ADRA1B: variants seen among roughly 807,000 people sequenced by gnomAD.
The protein encoded by ADRA1B is alpha-1B adrenergic receptor.
In ADRA1B, 17 loss-of-function variants were observed where a neutral mutation model predicts 17.9. That is an observed-to-expected ratio of 0.95 (90% CI 0.65 to 1.42). The LOEUF is 1.42. Ranked by LOEUF, ADRA1B falls within the 40% of genes most tolerant of loss-of-function variation. ADRA1B has a pLI of 0.00. For missense variants in ADRA1B, 681 were observed against 722.1 expected, an observed-to-expected ratio of 0.94 and a Z score of 0.65; for synonymous variants, 366 against 327.6, an observed-to-expected ratio of 1.12 and a Z score of -1.27.
rs756220251 is a variant in ADRA1B at position 159,917,111 on chromosome 5, C to T, written c.206C>T (p.Ser69Phe). 8.1e-6 allele frequency: 13 copies of T among 1,614,038 alleles called. No individual in the cohort carries two copies. Among genetic ancestry groups the T allele is most frequent in the South Asian group, 5.5e-5 (5 of 91,078 alleles). ...GTGGGCAACATCCTAGTCATCTTGT[C>T]TGTGGCCTGCAACCGGCACCTGCGG... ...AIVGNILVILSVACNRHLRTP... is the reference protein window; with the variant it reads ...AIVGNILVILFVACNRHLRTP... Residue 69 changes from serine to phenylalanine, a missense_variant, in exon 1 of 2, where the codon TCT (serine) becomes TTT (phenylalanine). Transcript: ENST00000306675.
intron 1 of ADRA1B, among the ~76,000 whole-genome samples, chr5:159,878,593 T>C (rs1561580797): frequency 6.6e-6 from 1 of 152,300 alleles, no homozygotes; most frequent in South Asian, 2.1e-4. Context: ...TTCACCATCT[T>C]TAATCCTTAC....
At chr5:159,936,005 C>T (rs1334015922) in intron 1 of ADRA1B, among the ~76,000 whole-genome samples, 1 of 152,240 alleles carries the variant, frequency 6.6e-6, no homozygotes, top group African/African-American at 2.4e-5. Flanking sequence ...TCTTTTCTCC[C>T]ATCTCTAAAA....
intron 1 of ADRA1B, among the ~76,000 whole-genome samples, chr5:159,931,237 A>T (rs1387848145): frequency 2.0e-5 from 3 of 151,224 alleles, no homozygotes; most frequent in Non-Finnish European, 4.4e-5. Flanking sequence ...ACAAATAAAA[A>T]ATAAAAATTA....
intron 1 of ADRA1B, among the ~76,000 whole-genome samples, chr5:159,884,316 G>T (rs1449771714): frequency 6.6e-6 from 1 of 152,318 alleles, no homozygotes; most frequent in South Asian, 2.1e-4. Context: ...GTGTTGAGAG[G>T]TGGGACTTTT....
the ADRA1B span, among the ~76,000 whole-genome samples, chr5:159,983,986 T>C: frequency 8.5e-5 from 13 of 152,112 alleles, no homozygotes; most frequent in Admixed American, 8.5e-4. Flanking sequence ...AGGGCCTTGA[T>C]GCTGCCAGAG....
At chr5:159,976,786 G>A (rs1233446298), downstream of ADRA1B, among the ~76,000 whole-genome samples, 3 of 152,136 alleles carry the variant, frequency 2.0e-5, no homozygotes, top group African/African-American at 7.2e-5. Context: ...AATGGGTAAG[G>A]GAAGCATACA....
chr5:159,936,454 T>C (rs1754957675), intron 1 of ADRA1B, among the ~76,000 whole-genome samples: 1 of 152,228 alleles, frequency 6.6e-6, no homozygotes, highest in Non-Finnish European at 1.5e-5. Context: ...AAAAGAATGA[T>C]GGACAGCAAG....
chr5:159,924,561 A>G (rs1358487547), intron 1 of ADRA1B, among the ~76,000 whole-genome samples: 1 of 152,150 alleles, frequency 6.6e-6, no homozygotes, highest in African/African-American at 2.4e-5. Context: ...GCAGAGGGGC[A>G]GGGAGGGGAA....
At chr5:159,987,897 T>C in the ADRA1B span, among the ~76,000 whole-genome samples, 1 of 152,134 alleles carries the variant, frequency 6.6e-6, no homozygotes, top group African/African-American at 2.4e-5. Context: ...TCGTGGACTT[T>C]GTAGTCTTTG....
At chr5:159,969,006 G>A (rs1165184629) in intron 1 of ADRA1B, among the ~76,000 whole-genome samples, 1 of 152,186 alleles carries the variant, frequency 6.6e-6, no homozygotes, top group South Asian at 2.1e-4. Context: ...GGAATACTAG[G>A]TGCTCATACA....
chr5:159,910,729 T>C (rs1006304409), intron 1 of ADRA1B, among the ~76,000 whole-genome samples: 1 of 152,168 alleles, frequency 6.6e-6, no homozygotes, highest in African/African-American at 2.4e-5. Context: ...GATCGATTAA[T>C]TGTAGTTTGC....
the ADRA1B span, among the ~76,000 whole-genome samples, chr5:159,981,681 A>G: frequency 6.6e-6 from 1 of 151,992 alleles, no homozygotes; most frequent in African/African-American, 2.4e-5. Context: ...ATTTTTTAGT[A>G]GAGATGGGGT....
chr5:159,947,624 C>A, intron 1 of ADRA1B: 1 of 830,984 alleles, frequency 1.2e-6, no homozygotes, highest in Non-Finnish European at 1.5e-6. Flanking sequence ...CACTGGCTTT[C>A]AAATTAACGC....
Position 159,917,805 on chromosome 5 carries a change from C to T in ADRA1B, c.900C>T (p.Val300=), listed in dbSNP as rs748079207. 16 of 1,613,012 alleles carry T rather than the reference C, an allele frequency of 9.9e-6. No individual in the cohort carries two copies. The highest frequency in any genetic ancestry group is 3.3e-5 in the South Asian group (3 of 90,982). Reference sequence around the variant, plus strand: ...CAGCTAAGACGTTGGGCATTGTGGTCGGTATGTTCATCTTGTGCTGGCTAC... The same window carrying T: ...CAGCTAAGACGTTGGGCATTGTGGTTGGTATGTTCATCTTGTGCTGGCTAC... The part of the protein sequence containing the change: ...KKAAKTLGIV[V]GMFILCWLPF... The change falls in exon 1 of 2, where the codon GTC becomes GTT. Residue 300 remains valine, a synonymous_variant. Coordinates refer to ENST00000306675, the MANE Select transcript of ADRA1B (RefSeq NM_000679.4).
intron 1 of ADRA1B, among the ~76,000 whole-genome samples, chr5:159,963,000 T>C (rs1363847154): frequency 6.9e-6 from 1 of 145,910 alleles, no homozygotes; most frequent in Non-Finnish European, 1.5e-5. Flanking sequence ...CCTGGACTCG[T>C]GCGATCCTCC....
intron 1 of ADRA1B, among the ~76,000 whole-genome samples, chr5:159,899,324 A>AAGGAAGGAAGGAAGAAAGGAAGG (rs1156262558): frequency 6.6e-6 from 1 of 151,628 alleles, no homozygotes; most frequent in African/African-American, 2.4e-5. Flanking sequence ...GGAAAGAAGG[A>AAGGAAGGAAGGAAGAAAGGAAGG]AAGGCAACTA....
At chr5:159,962,617 C>T (rs957833301) in intron 1 of ADRA1B, among the ~76,000 whole-genome samples, 7 of 150,986 alleles carry the variant, frequency 4.6e-5, no homozygotes, top group Non-Finnish European at 8.8e-5. Flanking sequence ...AAAAAGTTGG[C>T]GGCACATAAC....
At chr5:159,954,102 C>T (rs1468574383) in intron 1 of ADRA1B, among the ~76,000 whole-genome samples, 1 of 152,112 alleles carries the variant, frequency 6.6e-6, no homozygotes, top group East Asian at 1.9e-4. Flanking sequence ...TGGAGAGGAA[C>T]AGAGATGGGA....
chr5:159,915,685 A>T (rs1490409247), upstream of ADRA1B, among the ~76,000 whole-genome samples: 1 of 152,134 alleles, frequency 6.6e-6, no homozygotes, highest in African/African-American at 2.4e-5. Context: ...ATATCACTTC[A>T]GTGACATCCC....
Sources: gnomAD v4.1 joint callset for allele counts (sites outside exome capture counted in the v4.1 genomes callset) on GRCh38, gnomAD v4.1.1 for gene constraint, MANE v1.5 for transcripts, NCBI Gene and HGNC (gene_info 2026-07-23, HGNC 2026-07-21) for gene names.